NRXN1: variants seen among roughly 807,000 people sequenced by gnomAD.
NRXN1 encodes the protein neurexin-1.
Under a neutral mutation model 150.9 loss-of-function variants are expected in NRXN1, and 39 were observed. The ratio of observed to expected loss-of-function variants is 0.26; its 90% confidence interval spans 0.20 to 0.34. The LOEUF (loss-of-function observed/expected upper bound fraction) is 0.34, where lower values mean the gene tolerates loss of function less well. Ranked by LOEUF, NRXN1 falls within the 10% of genes least tolerant of loss-of-function variation. The probability of loss-of-function intolerance (pLI) is 1.00; values close to 1 mark genes in which losing one functional copy is unlikely to be tolerated. For missense variants in NRXN1, 1,815 were observed against 1,949.9 expected (o/e 0.93, Z 1.30); for synonymous variants, 924 against 757.0 (o/e 1.22, Z -3.62).
At chr2:50,375,832 G>C (rs1452076734) in intron 17 of NRXN1, among the ~76,000 whole-genome samples, 1 of 151,450 alleles carries the variant, frequency 6.6e-6, no homozygotes, top group Non-Finnish European at 1.5e-5. Flanking sequence ...TTGATCTAAG[G>C]GTACAAACTA....
chr2:50,392,211 A>C (rs938883465), intron 17 of NRXN1, among the ~76,000 whole-genome samples: 1 of 152,168 alleles, frequency 6.6e-6, no homozygotes, highest in Non-Finnish European at 1.5e-5. Context: ...TAGCAAAAAT[A>C]CACTAAAGGA....
intron 2 of NRXN1, 66 bp downstream of exon 2, chr2:51,027,436 C>T: frequency 6.9e-7 from 1 of 1,449,718 alleles, no homozygotes; most frequent in Non-Finnish European, 9.1e-7. Flanking sequence ...CATGCACCAG[C>T]CCGGTCCCCT....
intron 13 of NRXN1, among the ~76,000 whole-genome samples, chr2:50,501,014 A>G (rs1487558878): frequency 1.3e-5 from 2 of 152,244 alleles, no homozygotes; most frequent in Non-Finnish European, 2.9e-5. Context: ...TAAGGTTGTA[A>G]TTAAATCTAT....
chr2:50,315,408 C>T (rs1171781598), intron 17 of NRXN1, among the ~76,000 whole-genome samples: 3 of 152,122 alleles, frequency 2.0e-5, no homozygotes, highest in Non-Finnish European at 4.4e-5. Flanking sequence ...GCAGTCTGCT[C>T]TACTAAAATG....
At chr2:49,928,761 A>G (rs796548889) in intron 22 of NRXN1, among the ~76,000 whole-genome samples, 1 of 152,204 alleles carries the variant, frequency 6.6e-6, no homozygotes, top group Non-Finnish European at 1.5e-5. Flanking sequence ...CAGGGACACA[A>G]TGATTTATAT....
chr2:50,536,970 T>G (rs943602255), intron 10 of NRXN1, among the ~76,000 whole-genome samples: 2 of 152,298 alleles, frequency 1.3e-5, no homozygotes, highest in Middle Eastern at 3.4e-3. Context: ...CCCATCTAAT[T>G]GCATGACCTA....
At chr2:50,836,915 A>T (rs1221815105) in intron 5 of NRXN1, among the ~76,000 whole-genome samples, 1 of 147,772 alleles carries the variant, frequency 6.8e-6, no homozygotes, top group African/African-American at 2.5e-5. Context: ...TGTGTAAATT[A>T]AAAAAAAAAT....
chr2:50,149,087 G>C (rs1574175828), intron 18 of NRXN1, among the ~76,000 whole-genome samples: 3 of 151,866 alleles, frequency 2.0e-5, no homozygotes, highest in Admixed American at 1.3e-4. Flanking sequence ...GCCTACAGCA[G>C]CAGAGAGGGA....
intron 18 of NRXN1, among the ~76,000 whole-genome samples, chr2:50,175,807 G>A (rs1012953151): frequency 6.6e-6 from 1 of 152,084 alleles, no homozygotes; most frequent in Admixed American, 6.6e-5. Context: ...TCTTCCCATT[G>A]ACAAGGTTCC....
intron 5 of NRXN1, among the ~76,000 whole-genome samples, chr2:50,705,148 T>C (rs1272227171): frequency 1.3e-5 from 2 of 151,932 alleles, no homozygotes; most frequent in East Asian, 3.9e-4. Context: ...AATTATCTAG[T>C]TTGCTGATAA....
In NRXN1 at chr2:50,506,483, A is replaced by AAT; in HGVS notation, c.2497+11_2497+12insAT. On this transcript the variant is annotated intron_variant, in intron 13 of 22. Transcript: ENST00000401669. ...TTAGCATAGGAAAAGACAATGGGAC[A>AAT]GAGGTGTTTACCTGTCATGGCCTGT... 6.2e-7 allele frequency: 1 copy of AAT among 1,611,108 alleles called. No individual in the cohort carries two copies. The highest frequency in any genetic ancestry group is 8.5e-7 in the Non-Finnish European group (1 of 1,178,154).
At chr2:50,490,905 C>G (rs2091216562) in intron 15 of NRXN1, among the ~76,000 whole-genome samples, 1 of 152,014 alleles carries the variant, frequency 6.6e-6, no homozygotes, top group Non-Finnish European at 1.5e-5. Context: ...TTAAAATAAT[C>G]TACAAATGGA....
At chr2:50,168,078 T>C (rs2059795671) in intron 18 of NRXN1, among the ~76,000 whole-genome samples, 1 of 152,166 alleles carries the variant, frequency 6.6e-6, no homozygotes, top group Non-Finnish European at 1.5e-5. Flanking sequence ...ATATCTTGTT[T>C]GAATGCAAAT....
Position 50,497,711 on chromosome 2 carries a change from T to A in NRXN1, c.2501A>T (p.Gln834Leu). ...CAGCCTAGTATGATCACCTGCCATT[T>A]GACCTAAAAGAGAAGATAATATATG... ...TVDDQQAMTGQMAGDHTRLEF... is the reference protein window; with the variant it reads ...TVDDQQAMTGLMAGDHTRLEF... The change falls in exon 14 of 23, where the codon CAA (glutamine) becomes CTA (leucine). Residue 834 changes from glutamine to leucine, a missense_variant. By Grantham distance (113) the Gln-to-Leu change is moderately radical. Transcript: ENST00000401669. The A allele has an allele frequency of 6.2e-7, 1 of 1,607,116 alleles. No individual in the cohort carries two copies. The highest frequency in any genetic ancestry group is 1.7e-4 in the Middle Eastern group (1 of 6,030).
chr2:50,283,160 T>A (rs1285894057), intron 17 of NRXN1, among the ~76,000 whole-genome samples: 2 of 152,190 alleles, frequency 1.3e-5, no homozygotes, highest in Non-Finnish European at 2.9e-5. Context: ...TAAAAAAGTA[T>A]TACCAAATGA....
chr2:50,970,087 T>C (rs1694767085), intron 2 of NRXN1, among the ~76,000 whole-genome samples: 1 of 152,160 alleles, frequency 6.6e-6, no homozygotes, highest in South Asian at 2.1e-4. Flanking sequence ...GGAGTTTTAG[T>C]ACCTACAGTC....
At chr2:50,071,632 A>G (rs1696309121) in intron 19 of NRXN1, among the ~76,000 whole-genome samples, 1 of 152,198 alleles carries the variant, frequency 6.6e-6, no homozygotes, top group South Asian at 2.1e-4. Context: ...AGCCTCCAGA[A>G]CTGTGAGAGA....
intron 21 of NRXN1, among the ~76,000 whole-genome samples, chr2:49,998,473 C>T (rs144179739): frequency 5.7e-4 from 86 of 152,028 alleles, no homozygotes; most frequent in Admixed American, 3.5e-3. Context: ...TTTTTAGAAA[C>T]GTCAAACTTT....
intron 8 of NRXN1, among the ~76,000 whole-genome samples, chr2:50,575,785 T>TTCAA (rs1232330323): frequency 6.6e-6 from 1 of 152,220 alleles, no homozygotes; most frequent in Non-Finnish European, 1.5e-5. Context: ...TAAATGTTTA[T>TTCAA]TCAATGCATT....
Sources: allele counts gnomAD v4.1 joint callset (sites outside exome capture counted in the v4.1 genomes callset), GRCh38; gene constraint gnomAD v4.1.1; transcripts MANE v1.5; gene names NCBI Gene and HGNC (gene_info 2026-07-23, HGNC 2026-07-21).